Variants in FAM50B observed in about 807,000 individuals in gnomAD.
FAM50B encodes protein FAM50B.
FAM50B carries 9 observed loss-of-function variants against 25.4 expected under a neutral mutation model. The observed-to-expected ratio is 0.35, with a 90% CI of 0.21 to 0.62. The LOEUF (loss-of-function observed/expected upper bound fraction) is 0.62, where lower values mean the gene tolerates loss of function less well. Among genes scored for constraint, FAM50B ranks in the 20% least tolerant of loss-of-function variants. FAM50B has a pLI of 0.73. For missense variants in FAM50B, 372 were observed against 477.9 expected (o/e 0.78, Z 2.07); for synonymous variants, 212 against 204.3 (o/e 1.04, Z -0.32).
chr6:3,845,941 T>C (rs1172697994), upstream of FAM50B, among the ~76,000 whole-genome samples: 1 of 152,122 alleles, frequency 6.6e-6, no homozygotes, highest in African/African-American at 2.4e-5. Flanking sequence ...CAGGATGGTC[T>C]CGATCTCTTG....
the FAM50B span, among the ~76,000 whole-genome samples, chr6:3,839,325 A>G: frequency 1.3e-5 from 2 of 152,138 alleles, no homozygotes; most frequent in African/African-American, 4.8e-5. Flanking sequence ...TCCCCCAGGA[A>G]GAACATTCAT....
At position 3,850,187 on chromosome 6, in the gene FAM50B, G is replaced by T; in HGVS notation, c.376G>T (p.Asp126Tyr). 1 of 1,613,380 alleles carries T rather than the reference G, an allele frequency of 6.2e-7. No homozygotes were observed. Among genetic ancestry groups the T allele is most frequent in the Non-Finnish European group, 8.5e-7 (1 of 1,179,848 alleles). Residue 126 changes from aspartate to tyrosine, a missense_variant, in exon 2 of 2, where the codon GAC becomes TAC. By Grantham distance (160) the Asp-to-Tyr change is radical. Coordinates refer to ENST00000648326, the MANE Select transcript of FAM50B (RefSeq NM_012135.3). ...CTCCTGCCTGTCCTTTGCACTAGAC[G>T]ACCTCGATGACCAGGCCGACGCGGC... is the stretch of plus-strand genomic sequence containing the variant. Reference protein sequence around the residue: ...KISCLSFALDDLDDQADAAEA... With the variant: ...KISCLSFALDYLDDQADAAEA...
chr6:3,835,021 A>G, the FAM50B span, among the ~76,000 whole-genome samples: 1 of 152,228 alleles, frequency 6.6e-6, no homozygotes, highest in Admixed American at 6.5e-5. Flanking sequence ...TTTTAAAATA[A>G]GTGAACAGAT....
At chr6:3,835,542 AC>A in the FAM50B span, among the ~76,000 whole-genome samples, 1 of 149,494 alleles carries the variant, frequency 6.7e-6, no homozygotes, top group Non-Finnish European at 1.5e-5. Context: ...CTCCACTTCC[AC>A]CCCCGCCACA....
At chr6:3,841,386 A>G in the FAM50B span, among the ~76,000 whole-genome samples, 7 of 152,280 alleles carry the variant, frequency 4.6e-5, no homozygotes, top group Middle Eastern at 3.4e-3. Context: ...TGGGTTTATC[A>G]AAAGTTCCAG....
chr6:3,840,840 A>G, the FAM50B span, among the ~76,000 whole-genome samples: 1 of 152,248 alleles, frequency 6.6e-6, no homozygotes, highest in African/African-American at 2.4e-5. Flanking sequence ...TTACATAACT[A>G]TATACCAAAA....
chr6:3,834,710 TTAAC>T, the FAM50B span, among the ~76,000 whole-genome samples: 1 of 152,066 alleles, frequency 6.6e-6, no homozygotes, highest in African/African-American at 2.4e-5. Flanking sequence ...AAACAAATGT[TTAAC>T]AATAAAAAAC....
chr6:3,839,558 A>G, the FAM50B span, among the ~76,000 whole-genome samples: 126,140 of 152,168 alleles, frequency 0.83, 52,763 homozygotes, highest in African/African-American at 0.93. Flanking sequence ...GTTCCTGCTT[A>G]TAGTGGGGAT....
the FAM50B span, among the ~76,000 whole-genome samples, chr6:3,834,569 TAAAATC>T: frequency 1.3e-5 from 2 of 151,980 alleles, no homozygotes; most frequent in Non-Finnish European, 2.9e-5. Flanking sequence ...ATGCTAAAGT[TAAAATC>T]AAAGTCAAGG....
At position 3,850,526 on chromosome 6, in the gene FAM50B, A is replaced by G; in HGVS notation, c.715A>G (p.Lys239Glu). 1 of 1,613,924 alleles carries G rather than the reference A, an allele frequency of 6.2e-7. No individual in the cohort carries two copies. The highest frequency in any genetic ancestry group is 8.5e-7 in the Non-Finnish European group (1 of 1,180,016). Residue 239 changes from lysine (K) to glutamate (E), a missense_variant, in exon 2 of 2, where the codon AAG becomes GAG. Physicochemically the swap from Lys to Glu is moderately conservative, Grantham distance 56 (BLOSUM62 1). Around this residue, in one of 4 missense-constraint regions of FAM50B, gnomAD observed 224 missense variants for 232.2 expected, o/e 0.96. Transcript: ENST00000648326. ...CGGCGTGGAGCAGCTCATGTTCATC[A>G]AGGAGGACCTCATCCTGCCGCACTA... Reference protein sequence around the residue: ...SAGVEQLMFIKEDLILPHYHT... With the variant: ...SAGVEQLMFIEEDLILPHYHT...
At chr6:3,832,584 T>C in the FAM50B span, among the ~76,000 whole-genome samples, 1 of 152,178 alleles carries the variant, frequency 6.6e-6, no homozygotes, top group Non-Finnish European at 1.5e-5. Context: ...CCCTTAAAAA[T>C]GTGGGGTAAC....
the FAM50B span, among the ~76,000 whole-genome samples, chr6:3,839,443 C>G: frequency 2.6e-5 from 4 of 152,074 alleles, no homozygotes; most frequent in Admixed American, 6.6e-5. Context: ...AATATCCAAA[C>G]TACAGCGGTG....
At position 3,850,651 on chromosome 6, in the gene FAM50B, C is replaced by T. The variant is rs1762204725; in HGVS notation, c.840C>T (p.Ala280=). Residue 280 remains alanine, a synonymous_variant, in exon 2 of 2, where the codon GCC becomes GCT. Coordinates refer to ENST00000648326, the MANE Select transcript of FAM50B (RefSeq NM_012135.3). ...ATGACGTGCGCCTGCTCAGCGACGCCACCATGGAGAAGGACGAGTCGCACG... is the reference window on the plus strand; with the variant it reads ...ATGACGTGCGCCTGCTCAGCGACGCTACCATGGAGAAGGACGAGTCGCACG... ...VHDDVRLLSD[A]TMEKDESHAG... 6.2e-7 allele frequency: 1 copy of T among 1,614,144 alleles called. No individual in the cohort carries two copies.
chr6:3,837,068 A>G, the FAM50B span, among the ~76,000 whole-genome samples: 5 of 152,232 alleles, frequency 3.3e-5, no homozygotes, highest in African/African-American at 1.2e-4. Flanking sequence ...CTCACATCCT[A>G]TATAAAAATT....
upstream of FAM50B, chr6:3,849,275 G>T (rs1360190259): frequency 6.5e-6 from 1 of 153,426 alleles, no homozygotes; most frequent in South Asian, 2.0e-4. Flanking sequence ...CCCCGCCAGG[G>T]GGCGATCCAC....
chr6:3,833,573 A>T, the FAM50B span: 2 of 152,154 alleles, frequency 1.3e-5, no homozygotes, highest in African/African-American at 4.8e-5. Flanking sequence ...CTCTACCCCC[A>T]GCTTTAGGGT....
chr6:3,834,757 G>A, the FAM50B span, among the ~76,000 whole-genome samples: 1 of 152,172 alleles, frequency 6.6e-6, no homozygotes, highest in East Asian at 1.9e-4. Flanking sequence ...GTCTTACATT[G>A]AAATATATAT....
the FAM50B span, among the ~76,000 whole-genome samples, chr6:3,843,623 T>TAGTA: frequency 1.3e-5 from 2 of 152,236 alleles, no homozygotes; most frequent in African/African-American, 2.4e-5. Flanking sequence ...TTTTCCCTTC[T>TAGTA]AGTATATTTT....
the FAM50B span, among the ~76,000 whole-genome samples, chr6:3,840,229 G>A: frequency 1.3e-5 from 2 of 151,998 alleles, no homozygotes; most frequent in African/African-American, 2.4e-5. Context: ...TCCTGACCTC[G>A]TGATCCGCCC....
Sources: allele counts gnomAD v4.1 joint callset (sites outside exome capture counted in the v4.1 genomes callset), GRCh38; gene constraint gnomAD v4.1.1; regional missense constraint gnomAD v4.1.1; transcripts MANE v1.5; gene names NCBI Gene and HGNC (gene_info 2026-07-23, HGNC 2026-07-21).